SANBR: variants seen among roughly 807,000 people sequenced by gnomAD.
SANBR encodes the protein SANT and BTB domain regulator of CSR, also known as SANT and BTB domain regulator of class switch recombination.
A neutral mutation model predicts 101.8 loss-of-function variants in SANBR; 77 were observed. The ratio of observed to expected loss-of-function variants is 0.76; its 90% CI spans 0.63 to 0.91. The LOEUF (loss-of-function observed/expected upper bound fraction) is 0.91. Among genes scored for constraint, SANBR ranks in the 40% least tolerant of loss-of-function variants. The probability of loss-of-function intolerance (pLI) is 0.00; values close to 1 mark genes in which losing one functional copy is unlikely to be tolerated. For synonymous variants in SANBR, 279 were observed against 274.7 expected (o/e 1.02, Z -0.15); for missense variants, 875 against 853.0 (o/e 1.03, Z -0.32).
chr2:61,085,734 C>G (rs911856393), intron 8 of SANBR, among the ~76,000 whole-genome samples: 3 of 152,134 alleles, frequency 2.0e-5, no homozygotes, highest in Middle Eastern at 6.3e-3. Flanking sequence ...TGGTCTTGAA[C>G]TCCTGACCTC....
At chr2:61,081,886 C>T (rs1214644838) in intron 7 of SANBR, among the ~76,000 whole-genome samples, 2 of 152,122 alleles carry the variant, frequency 1.3e-5, no homozygotes, top group African/African-American at 2.4e-5. Flanking sequence ...TAATCTCAAG[C>T]AATCCACCTG....
At chr2:61,119,607 T>C (rs1684240281) in intron 20 of SANBR, among the ~76,000 whole-genome samples, 3 of 152,142 alleles carry the variant, frequency 2.0e-5, no homozygotes, top group Non-Finnish European at 2.9e-5. Flanking sequence ...CAGATAAGCA[T>C]ATATCATTAG....
chr2:61,127,797 A>G (rs1684557809), downstream of SANBR, among the ~76,000 whole-genome samples: 1 of 152,212 alleles, frequency 6.6e-6, no homozygotes, highest in Non-Finnish European at 1.5e-5. Flanking sequence ...AGAGAGAGAA[A>G]GGAAGATAAA....
At chr2:61,117,057 CAAA>C (rs200334199) in intron 17 of SANBR, 52 of 317,190 alleles carry the variant, frequency 1.6e-4, no homozygotes, top group South Asian at 3.0e-4. Context: ...ACCCTGTCTT[CAAA>C]AAAAAAAAAA....
At position 61,103,902 on chromosome 2, in the gene SANBR, G is replaced by A. The variant is rs1683412487; in HGVS notation, c.1415G>A (p.Gly472Asp). 1 of 1,614,192 alleles carries A rather than the reference G, an allele frequency of 6.2e-7. No homozygotes were observed. Among genetic ancestry groups the A allele is most frequent in the Non-Finnish European group, 8.5e-7 (1 of 1,180,028 alleles). Reference protein sequence around the residue: ...HMVTLRDQGEGGDLPSCPTAR... With the variant: ...HMVTLRDQGEDGDLPSCPTAR... ...GTTACACTTCGTGATCAAGGTGAAG[G>A]CGGAGATTTGCCGTCCTGTCCCACT... Residue 472 changes from glycine (G) to aspartate (D), a missense_variant, in exon 13 of 22, where the codon GGC becomes GAC. By Grantham distance (94) the Gly-to-Asp change is moderately conservative (BLOSUM62 -1). Coordinates refer to ENST00000402291, the MANE Select transcript of SANBR (RefSeq NM_001129993.3).
At chr2:61,106,539 G>A (rs555637032) in intron 13 of SANBR, 24 bp from the exon 14 acceptor site, 23 of 1,452,520 alleles carry the variant, frequency 1.6e-5, no homozygotes, top group South Asian at 9.9e-5. Context: ...ACTCTTCTCC[G>A]TAAAAATGTC....
At chr2:61,075,558 C>G (rs779736549) in intron 5 of SANBR, among the ~76,000 whole-genome samples, 1 of 152,044 alleles carries the variant, frequency 6.6e-6, no homozygotes, top group Non-Finnish European at 1.5e-5. Flanking sequence ...CTTGCCCAGC[C>G]GACGTAATTT....
At chr2:61,107,885 C>CAAA (rs372947000) in intron 14 of SANBR, among the ~76,000 whole-genome samples, 1 of 121,308 alleles carries the variant, frequency 8.2e-6, no homozygotes. Flanking sequence ...GACTCTGTCT[C>CAAA]AAAAAAAAAA....
At chr2:61,132,234 C>G (rs1188393719) in intron 20 of SANBR, among the ~76,000 whole-genome samples, 1 of 152,100 alleles carries the variant, frequency 6.6e-6, no homozygotes, top group African/African-American at 2.4e-5. Flanking sequence ...AGATAGCTTA[C>G]AGAATGTGAG....
intron 16 of SANBR, among the ~76,000 whole-genome samples, chr2:61,109,681 GTT>G (rs1297359773): frequency 5.6e-5 from 7 of 124,794 alleles, no homozygotes; most frequent in African/African-American, 1.6e-4. Context: ...TTTTGTGTTT[GTT>G]TTTTTTTTTT....
In SANBR at chr2:61,118,088, A is replaced by G. The variant is rs143026591; in HGVS notation, c.2000A>G (p.Asp667Gly). The G allele has an allele frequency of 4.1e-5, 66 of 1,613,670 alleles. No homozygotes were observed. The highest frequency in any genetic ancestry group is 4.9e-5 in the Non-Finnish European group (58 of 1,179,724). ...HLIKMRLGDL[D>G]RVKSKEAKEF... ...ATAAAAATGAGATTGGGGGATCTGG[A>G]CCGAGTCAAGTCAAAGGAAGCAAAA... Residue 667 changes from aspartate (D) to glycine (G), a missense_variant, in exon 20 of 22, where the codon GAC (aspartate) becomes GGC (glycine). Transcript: ENST00000402291.
chr2:61,073,494 C>T lies in SANBR; in HGVS notation c.374C>T (p.Ser125Leu). The change falls in exon 5 of 22, where the codon TCA (serine) becomes TTA (leucine). Residue 125 changes from serine to leucine, a missense_variant. Physicochemically the swap from Ser to Leu is moderately radical, Grantham distance 145. Coordinates refer to ENST00000402291, the MANE Select transcript of SANBR (RefSeq NM_001129993.3). ...ATAGCTTCCACAAGGAATTGTTCTT[C>T]AGAAAGTGAAAATTGTACTACTCAT... ...HSIASTRNCS[S>L]ESENCTTHNG... The T allele has an allele frequency of 6.3e-7, 1 of 1,584,742 alleles. No individual in the cohort carries two copies.
At chr2:61,069,731 A>G (rs1272491197) in intron 2 of SANBR, 1 of 152,342 alleles carries the variant, frequency 6.6e-6, no homozygotes, top group Non-Finnish European at 1.5e-5. Context: ...TGATATAAAA[A>G]AGTTCCTCAA....
intron 6 of SANBR, among the ~76,000 whole-genome samples, chr2:61,080,686 A>C (rs1682071169): frequency 6.6e-6 from 1 of 151,982 alleles, no homozygotes; most frequent in Admixed American, 6.6e-5. Context: ...GCGCCACTGC[A>C]CTCCAGCCTG....
intron 16 of SANBR, among the ~76,000 whole-genome samples, chr2:61,109,732 A>T (rs1023970971): frequency 3.6e-5 from 5 of 139,654 alleles, no homozygotes; most frequent in African/African-American, 1.3e-4. Context: ...ACAGTGGCGC[A>T]ATCTTGGCTC....
intron 16 of SANBR, among the ~76,000 whole-genome samples, chr2:61,115,200 T>G (rs1192057895): frequency 6.6e-6 from 1 of 152,180 alleles, no homozygotes; most frequent in Non-Finnish European, 1.5e-5. Flanking sequence ...CTTTAAATTA[T>G]GAATTCACTT....
intron 8 of SANBR, among the ~76,000 whole-genome samples, chr2:61,086,432 T>C (rs572766115): frequency 6.6e-6 from 1 of 152,164 alleles, no homozygotes; most frequent in Non-Finnish European, 1.5e-5. Flanking sequence ...TTTCATTTTT[T>C]AATTGTTAGC....
chr2:61,078,279 A>G (rs1029329751), intron 6 of SANBR, among the ~76,000 whole-genome samples: 1 of 152,212 alleles, frequency 6.6e-6, no homozygotes, highest in Non-Finnish European at 1.5e-5. Context: ...GATACATTGC[A>G]ATTAACCTTT....
At chr2:61,120,874 A>G (rs1248987830) in intron 20 of SANBR, among the ~76,000 whole-genome samples, 1 of 152,208 alleles carries the variant, frequency 6.6e-6, no homozygotes, top group African/African-American at 2.4e-5. Context: ...GAAAACAGAC[A>G]AATAGTTGCC....
Sources: allele counts gnomAD v4.1 joint callset (sites outside exome capture counted in the v4.1 genomes callset), GRCh38; gene constraint gnomAD v4.1.1; transcripts MANE v1.5; gene names NCBI Gene and HGNC (gene_info 2026-07-23, HGNC 2026-07-21).